ZC3H11A: variants seen among roughly 807,000 people sequenced by gnomAD.
The protein encoded by ZC3H11A is zinc finger CCCH domain-containing protein 11A.
ZC3H11A carries 22 observed loss-of-function variants against 90.8 expected under a neutral mutation model. The ratio of observed to expected loss-of-function variants is 0.24; its 90% CI spans 0.17 to 0.35. ZC3H11A has a LOEUF of 0.35. ZC3H11A is among the 10% of genes least tolerant of loss of function. The pLI, the probability that ZC3H11A is intolerant of heterozygous loss-of-function variation, is 1.00. For missense variants in ZC3H11A, 701 were observed against 964.9 expected (o/e 0.73, Z 3.62); for synonymous variants, 294 against 339.8 (o/e 0.87, Z 1.48).
At chr1:203,828,226 T>C in intron 4 of ZC3H11A, 73 bp from the exon 5 acceptor site, 1 of 1,582,026 alleles carries the variant, frequency 6.3e-7, no homozygotes, top group South Asian at 1.1e-5. Context: ...GAACTTTGTC[T>C]AGAAAACAAA....
At chr1:203,842,765 A>G (rs1686815004) in intron 12 of ZC3H11A, among the ~76,000 whole-genome samples, 1 of 151,770 alleles carries the variant, frequency 6.6e-6, no homozygotes, top group East Asian at 1.9e-4. Context: ...ACACGAGAAT[A>G]TAAATAAAAT....
At chr1:203,850,292 G>T in intron 15 of ZC3H11A, 2 of 686,592 alleles carry the variant, frequency 2.9e-6, no homozygotes, top group Non-Finnish European at 4.9e-6. Flanking sequence ...ACAAGGAATA[G>T]AGGAATGGTA....
intron 12 of ZC3H11A, among the ~76,000 whole-genome samples, chr1:203,844,828 C>G (rs34962738): frequency 4.0e-5 from 6 of 151,720 alleles, no homozygotes; most frequent in African/African-American, 1.5e-4. Context: ...TACTTTTATC[C>G]CTCCTCCCTC....
At chr1:203,805,307 A>G (rs1178109358) in intron 2 of ZC3H11A, among the ~76,000 whole-genome samples, 3 of 151,314 alleles carry the variant, frequency 2.0e-5, no homozygotes, top group African/African-American at 7.3e-5. Flanking sequence ...AATTTTTTGT[A>G]TTTTTAGTAG....
At position 203,799,074 on chromosome 1, in the gene ZC3H11A, G is replaced by A. The variant is rs554525195; in HGVS notation, c.-1587-2501G>A. On this transcript the variant is annotated intron_variant, in intron 1 of 17. Transcript: ENST00000367210. The stretch of plus-strand genomic sequence containing the variant: ...TTTTCTCAATAATGGCAGGATCCCC[G>A]ATTTTAGAAAGTGGGCAGTGCTTTG... 1.4e-3 allele frequency: 2,140 copies of A among 1,536,100 alleles called. 1 individual carries two copies. Among genetic ancestry groups the A allele is most frequent in the Non-Finnish European group, 1.7e-3 (1,948 of 1,146,886 alleles).
intron 13 of ZC3H11A, 139 bp from the exon 14 acceptor site, chr1:203,848,192 T>C (rs930160371): frequency 1.5e-5 from 11 of 728,290 alleles, no homozygotes; most frequent in Admixed American, 8.8e-5. Flanking sequence ...TTTGAGACTT[T>C]AGGAGCACAG....
At chr1:203,833,704 TA>T in intron 9 of ZC3H11A, 86 bp from the exon 10 acceptor site, 1 of 1,033,932 alleles carries the variant, frequency 9.7e-7, no homozygotes, top group Admixed American at 2.9e-5. Context: ...TTTACACTAA[TA>T]TCAGAACATA....
chr1:203,812,650 C>T (rs1002876061), intron 2 of ZC3H11A, among the ~76,000 whole-genome samples: 6 of 143,620 alleles, frequency 4.2e-5, no homozygotes, highest in Non-Finnish European at 7.5e-5. Flanking sequence ...GGCATGATCT[C>T]GGCTCACTGC....
intron 12 of ZC3H11A, among the ~76,000 whole-genome samples, chr1:203,843,228 AT>A (rs1309579951): frequency 6.6e-6 from 1 of 152,186 alleles, no homozygotes; most frequent in Non-Finnish European, 1.5e-5. Context: ...CTAAATCAGT[AT>A]TTATGATAAT....
chr1:203,834,044 C>T, intron 10 of ZC3H11A, 191 bp downstream of exon 10: 1 of 1,254,822 alleles, frequency 8.0e-7, no homozygotes, highest in Non-Finnish European at 1.0e-6. Flanking sequence ...TAAAGTGTTA[C>T]AATTGAACTA....
chr1:203,851,210 T>G (rs1291933146), intron 17 of ZC3H11A, 86 bp downstream of exon 17: 1 of 1,200,106 alleles, frequency 8.3e-7, no homozygotes, highest in African/African-American at 1.5e-5. Flanking sequence ...TAAATAACTT[T>G]AGCAACATTC....
rs1310163026 is a variant in ZC3H11A, at chr1:203,853,573, A to AGG, written c.*1175_*1176dup. On this transcript the variant is annotated 3_prime_UTR_variant, in exon 18 of 18. Coordinates refer to ENST00000367210, the MANE Select transcript of ZC3H11A (RefSeq NM_001376342.1). Reference sequence around the variant, plus strand: ...TTGTATATAATCAGGAGGAAGAGGAAGGAAGGACTTACCCATTTTGATATT... The same window carrying AGG: ...TTGTATATAATCAGGAGGAAGAGGAAGGGGAAGGACTTACCCATTTTGATATT... 1 of 152,638 alleles carries AGG rather than the reference A, an allele frequency of 6.6e-6. No individual in the cohort carries two copies. Among genetic ancestry groups the AGG allele is most frequent in the Non-Finnish European group, 1.5e-5 (1 of 68,038 alleles). 9.5% of individuals were successfully genotyped at this position (152,638 alleles called of 1,614,324 possible).
chr1:203,828,243 C>T, intron 4 of ZC3H11A, 56 bp from the exon 5 acceptor site: 1 of 1,603,892 alleles, frequency 6.2e-7, no homozygotes, highest in East Asian at 2.2e-5. Flanking sequence ...CAAACTGCCA[C>T]ATGAATATAC....
In ZC3H11A at chr1:203,830,668, G is replaced by A. The variant is rs1304852836; in HGVS notation, c.700+465G>A. 2.6e-5 allele frequency among the ~76,000 whole-genome samples: 4 copies of A among 152,050 alleles called. No homozygotes were observed. In the South Asian group the frequency reaches 6.2e-4, roughly 24 times the overall value. ...TCTACTAAAACAAAAAATTAGCCAG[G>A]CGGGGTGGCATGCACCTGTAGTCCC... is the stretch of plus-strand genomic sequence containing the variant. On this transcript the variant is annotated intron_variant, in intron 8 of 17. Transcript: ENST00000367210.
intron 15 of ZC3H11A, 38 bp from the exon 16 acceptor site, chr1:203,850,477 A>G (rs187307997): frequency 7.8e-5 from 125 of 1,612,016 alleles, no homozygotes; most frequent in Non-Finnish European, 9.5e-5. Context: ...AAAAGAGTCT[A>G]TTCTCACTGC....
intron 11 of ZC3H11A, 38 bp downstream of exon 11, chr1:203,838,102 T>C: frequency 6.3e-7 from 1 of 1,580,854 alleles, no homozygotes; most frequent in Non-Finnish European, 8.7e-7. Flanking sequence ...GTGTATGTAA[T>C]TATGACACTT....
At position 203,850,605 on chromosome 1, in the gene ZC3H11A, C is replaced by T; in HGVS notation, c.2030C>T (p.Ala677Val). 1 of 1,614,122 alleles carries T rather than the reference C, an allele frequency of 6.2e-7. No individual in the cohort carries two copies. ...APKRKAVEMH[A>V]AVIAAVKPLS... ...AAACGTAAGGCAGTGGAGATGCACG[C>T]TGCTGTCATTGCCGCTGTGAAGCCA... is the stretch of plus-strand genomic sequence containing the variant. The change falls in exon 16 of 18, where the codon GCT becomes GTT. Residue 677 changes from alanine (A) to valine (V), a missense_variant. This residue lies in a region of ZC3H11A where 530 missense variants were observed against 696.2 expected (regional missense o/e 0.76). Transcript: ENST00000367210.
At chr1:203,798,114 G>A in intron 1 of ZC3H11A, 3 of 1,536,132 alleles carry the variant, frequency 2.0e-6, no homozygotes, top group Non-Finnish European at 2.6e-6. Flanking sequence ...TGGAGAGGAG[G>A]ACTTTACCTT....
intron 1 of ZC3H11A, chr1:203,797,617 C>T (rs1226121050): frequency 2.1e-5 from 33 of 1,535,646 alleles, no homozygotes; most frequent in Non-Finnish European, 2.9e-5. Context: ...GGATGTGTTC[C>T]TATTAATTCT....
Sources: gnomAD v4.1 joint callset for allele counts (sites outside exome capture counted in the v4.1 genomes callset) on GRCh38, gnomAD v4.1.1 for gene constraint, gnomAD v4.1.1 regional missense constraint, MANE v1.5 for transcripts, NCBI Gene and HGNC (gene_info 2026-07-23, HGNC 2026-07-21) for gene names.